Variants in HEMK2 observed in about 807,000 individuals in gnomAD.
HEMK2 encodes HemK methyltransferase 2, ETF1 glutamine and histone H4 lysine.
At chr21:28,855,808 T>C in the HEMK2 span, among the ~76,000 whole-genome samples, 1 of 152,176 alleles carries the variant, frequency 6.6e-6, no homozygotes, top group Non-Finnish European at 1.5e-5. Context: ...AGAAATTCTT[T>C]GAAACTAATG....
At chr21:28,730,523 C>T in the HEMK2 span, among the ~76,000 whole-genome samples, 1 of 152,138 alleles carries the variant, frequency 6.6e-6, no homozygotes, top group South Asian at 2.1e-4. Context: ...CTGTGGCCAC[C>T]TCAAGGCTCC....
At chr21:28,810,466 T>C in the HEMK2 span, among the ~76,000 whole-genome samples, 2 of 152,152 alleles carry the variant, frequency 1.3e-5, no homozygotes, top group Admixed American at 6.6e-5. Context: ...CAGCAACCAT[T>C]TGCAAACCTC....
the HEMK2 span, among the ~76,000 whole-genome samples, chr21:28,863,410 T>TTTTATATATA: frequency 7.7e-5 from 3 of 38,988 alleles, no homozygotes; most frequent in Admixed American, 4.0e-4. Flanking sequence ...AAACTCCCTT[T>TTTTATATATA]TATATATATA....
the HEMK2 span, among the ~76,000 whole-genome samples, chr21:28,583,461 C>T: frequency 3.9e-5 from 6 of 152,124 alleles, no homozygotes; most frequent in East Asian, 3.9e-4. Context: ...CCTCTGGTCA[C>T]CACTGAATGA....
the HEMK2 span, among the ~76,000 whole-genome samples, chr21:28,861,635 C>A: frequency 6.6e-6 from 1 of 152,222 alleles, no homozygotes; most frequent in Non-Finnish European, 1.5e-5. Flanking sequence ...TGTTCCCCAT[C>A]ATCCTGAAGC....
the HEMK2 span, among the ~76,000 whole-genome samples, chr21:28,649,650 G>GA: frequency 1.3e-5 from 2 of 152,136 alleles, no homozygotes; most frequent in African/African-American, 4.8e-5. Context: ...GTCTCCTTTG[G>GA]AAGAGATGAT....
the HEMK2 span, among the ~76,000 whole-genome samples, chr21:28,703,404 T>G: frequency 6.6e-6 from 1 of 152,110 alleles, no homozygotes; most frequent in Non-Finnish European, 1.5e-5. Flanking sequence ...AGCATTATTA[T>G]CCTGGTTTTG....
chr21:28,800,209 A>G, the HEMK2 span, among the ~76,000 whole-genome samples: 1 of 152,186 alleles, frequency 6.6e-6, no homozygotes, highest in Non-Finnish European at 1.5e-5. Context: ...TTTGTTTTAA[A>G]GCAGTGGTGC....
the HEMK2 span, among the ~76,000 whole-genome samples, chr21:28,841,200 T>A: frequency 2.0e-4 from 1 of 4,962 alleles, no homozygotes; most frequent in South Asian, 3.9e-3. Context: ...AATATATATA[T>A]TATATAATAT....
chr21:28,649,300 T>C, the HEMK2 span, among the ~76,000 whole-genome samples: 1 of 152,142 alleles, frequency 6.6e-6, no homozygotes, highest in Non-Finnish European at 1.5e-5. Context: ...TAAACCCATC[T>C]AGAAGGAAAG....
At chr21:28,776,425 T>A in the HEMK2 span, among the ~76,000 whole-genome samples, 1 of 152,192 alleles carries the variant, frequency 6.6e-6, no homozygotes, top group Non-Finnish European at 1.5e-5. Context: ...CTGTGTATAA[T>A]CCTATTCTGA....
the HEMK2 span, among the ~76,000 whole-genome samples, chr21:28,845,826 C>T: frequency 1.5e-4 from 23 of 151,964 alleles, no homozygotes; most frequent in South Asian, 4.2e-4. Context: ...TCAAGGGGTA[C>T]GTGTGCAGAT....
At chr21:28,865,593 T>C in the HEMK2 span, among the ~76,000 whole-genome samples, 1 of 152,226 alleles carries the variant, frequency 6.6e-6, no homozygotes, top group Admixed American at 6.5e-5. Flanking sequence ...TGCTCTATCC[T>C]AGACTCCTCT....
the HEMK2 span, among the ~76,000 whole-genome samples, chr21:28,744,800 T>C: frequency 6.6e-6 from 1 of 152,212 alleles, no homozygotes; most frequent in South Asian, 2.1e-4. Flanking sequence ...TAAAACCATA[T>C]GTTAGAACCA....
At chr21:28,751,573 T>C in the HEMK2 span, among the ~76,000 whole-genome samples, 2 of 152,350 alleles carry the variant, frequency 1.3e-5, no homozygotes, top group Admixed American at 1.3e-4. Flanking sequence ...CAGCAGTTAG[T>C]TAAGGGCAGA....
At chr21:28,633,868 G>A in the HEMK2 span, among the ~76,000 whole-genome samples, 2 of 152,086 alleles carry the variant, frequency 1.3e-5, no homozygotes, top group African/African-American at 2.4e-5. Context: ...TCTGCCATCC[G>A]TCTCCACACC....
the HEMK2 span, chr21:28,872,955 T>A: frequency 6.6e-6 from 1 of 152,250 alleles, no homozygotes; most frequent in East Asian, 1.9e-4. Flanking sequence ...GAATAATGTT[T>A]AAACAGATAT....
chr21:28,580,001 GA>G, the HEMK2 span, among the ~76,000 whole-genome samples: 1 of 152,158 alleles, frequency 6.6e-6, no homozygotes, highest in African/African-American at 2.4e-5. Context: ...GGTGCAAACA[GA>G]TGTCAGATCA....
chr21:28,722,840 C>T, the HEMK2 span, among the ~76,000 whole-genome samples: 194 of 152,222 alleles, frequency 1.3e-3, no homozygotes, highest in South Asian at 2.9e-3. Flanking sequence ...GCCAAGGTCG[C>T]GCCATTGCAC....
Sources: allele counts gnomAD v4.1 joint callset (sites outside exome capture counted in the v4.1 genomes callset), GRCh38; gene constraint gnomAD v4.1.1; transcripts MANE v1.5; gene names NCBI Gene and HGNC (gene_info 2026-07-23, HGNC 2026-07-21).